Variants in BLNK observed in about 807,000 individuals in gnomAD.
BLNK encodes B cell linker.
Under a neutral mutation model 73.5 loss-of-function variants are expected in BLNK, and 29 were observed. The ratio of observed to expected loss-of-function variants is 0.39; its 90% CI spans 0.29 to 0.54. The LOEUF is 0.54. Among genes scored for constraint, BLNK ranks in the 20% least tolerant of loss-of-function variants. The pLI, the probability that BLNK is intolerant of heterozygous loss-of-function variation, is 0.61. For synonymous variants in BLNK, 176 were observed against 200.8 expected, an observed-to-expected ratio of 0.88 and a Z score of 1.04; for missense variants, 460 against 562.8, an observed-to-expected ratio of 0.82 and a Z score of 1.85.
intron 1 of BLNK, among the ~76,000 whole-genome samples, chr10:96,263,058 G>A (rs1843828951): frequency 6.6e-6 from 1 of 152,222 alleles, no homozygotes; most frequent in Non-Finnish European, 1.5e-5. Flanking sequence ...ATGGAAGCCT[G>A]TGTCTCTGCA....
intron 3 of BLNK, chr10:96,238,969 AG>A (rs1395639740): frequency 5.1e-6 from 2 of 395,720 alleles, no homozygotes; most frequent in African/African-American, 4.1e-5. Context: ...ATTCTGATCC[AG>A]TAGTTCTAGG....
chr10:96,194,458 T>C (rs1191624642), intron 16 of BLNK, among the ~76,000 whole-genome samples: 1 of 152,244 alleles, frequency 6.6e-6, no homozygotes, highest in East Asian at 1.9e-4. Context: ...TTTTTGGATA[T>C]GACATTAAAA....
At chr10:96,216,089 A>G (rs1156546698) in intron 7 of BLNK, 1 of 173,320 alleles carries the variant, frequency 5.8e-6, no homozygotes, top group Non-Finnish European at 1.3e-5. Context: ...CATAGTGACT[A>G]TATTCAGAGT....
intron 3 of BLNK, among the ~76,000 whole-genome samples, 182 bp downstream of exon 3, chr10:96,242,553 G>T (rs1264223482): frequency 2.0e-5 from 3 of 152,172 alleles, no homozygotes; most frequent in Non-Finnish European, 4.4e-5. Flanking sequence ...TGGATGGATG[G>T]ATAAAAAAAC....
intron 1 of BLNK, among the ~76,000 whole-genome samples, chr10:96,252,933 T>C (rs891800979): frequency 6.6e-6 from 1 of 152,180 alleles, no homozygotes; most frequent in Non-Finnish European, 1.5e-5. Context: ...TCACTCATCC[T>C]GCAAAGACTC....
intron 2 of BLNK, among the ~76,000 whole-genome samples, chr10:96,245,359 A>T (rs1843005775): frequency 6.6e-6 from 1 of 152,214 alleles, no homozygotes; most frequent in African/African-American, 2.4e-5. Flanking sequence ...TAAAACTTTA[A>T]GGGCACAACT....
intron 4 of BLNK, 98 bp downstream of exon 4, chr10:96,230,696 C>T (rs587609137): frequency 1.1e-4 from 152 of 1,385,484 alleles, no homozygotes; most frequent in East Asian, 2.5e-4. Context: ...CCTCTTGGGA[C>T]GTGCGGCTGA....
At chr10:96,215,046 C>T (rs113445247) in intron 8 of BLNK, among the ~76,000 whole-genome samples, 1,775 of 152,112 alleles carry the variant, frequency 0.012, 39 homozygotes, top group African/African-American at 0.04. Flanking sequence ...GGCTAAATTC[C>T]GGGACCCCCT....
chr10:96,238,278 G>T (rs781926380), intron 3 of BLNK, among the ~76,000 whole-genome samples: 2 of 152,168 alleles, frequency 1.3e-5, no homozygotes, highest in Admixed American at 6.5e-5. Flanking sequence ...GGCAGTTGCT[G>T]GTCCTTTCTA....
At position 96,196,961 on chromosome 10, in the gene BLNK, A is replaced by G. The variant is rs1554894831; in HGVS notation, c.1198T>C (p.Phe400Leu). 1 of 1,613,656 alleles carries G rather than the reference A, an allele frequency of 6.2e-7. No individual in the cohort carries two copies. The highest frequency in any genetic ancestry group is 2.2e-5 in the East Asian group (1 of 44,752). The change falls in exon 16 of 17, where the codon TTT becomes CTT. Residue 400 changes from phenylalanine to leucine, a missense_variant. Physicochemically the swap from Phe to Leu is conservative, Grantham distance 22. Around this residue, in one of 3 missense-constraint regions of BLNK, gnomAD observed 88 missense variants for 143.4 expected, o/e 0.61. Coordinates refer to ENST00000224337, the MANE Select transcript of BLNK (RefSeq NM_013314.4). The part of the protein sequence containing the change: ...NKRVYNIPVR[F>L]IEATKQYALG... The stretch of plus-strand genomic sequence containing the variant: ...GCATATTGTTTTGTTGCTTCAATAA[A>G]TCGCACAGGAATATTATATACTCGC...
intron 1 of BLNK, among the ~76,000 whole-genome samples, chr10:96,256,008 G>A (rs1843491799): frequency 6.6e-6 from 1 of 152,110 alleles, no homozygotes; most frequent in Non-Finnish European, 1.5e-5. Context: ...AAAACAGCTC[G>A]ATGATAGAAA....
intron 3 of BLNK, among the ~76,000 whole-genome samples, chr10:96,240,545 C>T (rs1035500226): frequency 1.3e-5 from 2 of 152,132 alleles, no homozygotes; most frequent in Admixed American, 1.3e-4. Context: ...CAGGTGTGAG[C>T]CCCTGTGCCT....
chr10:96,196,787 G>A (rs1416442275), intron 16 of BLNK, 121 bp downstream of exon 16: 26 of 944,688 alleles, frequency 2.8e-5, no homozygotes, highest in Non-Finnish European at 3.9e-5. Context: ...TGACATTTAT[G>A]CAAGCATTAG....
intron 4 of BLNK, among the ~76,000 whole-genome samples, chr10:96,230,200 C>T (rs1842441437): frequency 6.6e-6 from 1 of 152,184 alleles, no homozygotes; most frequent in South Asian, 2.1e-4. Context: ...CCAGTGTCAT[C>T]ATGGCCAGGT....
chr10:96,214,032 C>T (rs2084006243), intron 8 of BLNK, among the ~76,000 whole-genome samples: 2 of 152,208 alleles, frequency 1.3e-5, no homozygotes, highest in African/African-American at 2.4e-5. Flanking sequence ...TTAAAATACT[C>T]GACTGTTCTT....
chr10:96,223,681 T>C, intron 6 of BLNK, 145 bp downstream of exon 6: 3 of 968,644 alleles, frequency 3.1e-6, no homozygotes, highest in Non-Finnish European at 4.7e-6. Context: ...GAAAACCAAG[T>C]CCCTTTGGTA....
intron 2 of BLNK, among the ~76,000 whole-genome samples, chr10:96,244,281 G>A (rs1229185641): frequency 6.6e-6 from 1 of 152,114 alleles, no homozygotes; most frequent in Non-Finnish European, 1.5e-5. Context: ...TGGTGCCCAG[G>A]TTGGTTCAAG....
chr10:96,193,368 A>C (rs587745075), intron 16 of BLNK, among the ~76,000 whole-genome samples: 59 of 152,344 alleles, frequency 3.9e-4, no homozygotes, highest in Non-Finnish European at 7.5e-4. Context: ...CAAGGGAAAA[A>C]GTGTGTCCTG....
chr10:96,210,320 C>A, intron 8 of BLNK: 2 of 238,968 alleles, frequency 8.4e-6, no homozygotes, highest in Non-Finnish European at 1.7e-5. Context: ...CAGAGGTGCC[C>A]AGAGACAGAG....
Sources: gnomAD v4.1 joint callset for allele counts (sites outside exome capture counted in the v4.1 genomes callset) on GRCh38, gnomAD v4.1.1 for gene constraint, gnomAD v4.1.1 regional missense constraint, MANE v1.5 for transcripts, NCBI Gene and HGNC (gene_info 2026-07-23, HGNC 2026-07-21) for gene names.